The following EXOC6B variants were observed in gnomAD, a reference collection of about 807,000 sequenced individuals.
EXOC6B encodes the protein exocyst complex component 6B.
Under a neutral mutation model 113.5 loss-of-function variants are expected in EXOC6B, and 54 were observed. The ratio of observed to expected loss-of-function variants is 0.48; its 90% confidence interval spans 0.38 to 0.60. The LOEUF is 0.60. Ranked by LOEUF, EXOC6B falls within the 20% of genes least tolerant of loss-of-function variation. EXOC6B has a pLI of 0.00. For synonymous variants in EXOC6B, 357 were observed against 339.0 expected (o/e 1.05, Z -0.58); for missense variants, 797 against 977.5 (o/e 0.82, Z 2.46).
intron 21 of EXOC6B, 32 bp from the exon 22 acceptor site, chr2:72,179,493 T>C (rs1572949880): frequency 8.1e-6 from 13 of 1,613,290 alleles, no homozygotes; most frequent in Middle Eastern, 1.7e-4. Context: ...GAGGGCAACA[T>C]GTTTGAGGAA....
chr2:72,236,959 T>C (rs1208916109), intron 20 of EXOC6B, among the ~76,000 whole-genome samples: 1 of 152,162 alleles, frequency 6.6e-6, no homozygotes, highest in East Asian at 1.9e-4. Flanking sequence ...GGAATGATTT[T>C]CTACTTGCTA....
intron 11 of EXOC6B, among the ~76,000 whole-genome samples, chr2:72,510,086 G>A (rs954409287): frequency 5.9e-5 from 9 of 151,942 alleles, no homozygotes; most frequent in Non-Finnish European, 7.4e-5. Context: ...TGCCCTCCTC[G>A]GCCTCCCAAA....
chr2:72,191,855 T>C (rs532518115), intron 20 of EXOC6B, among the ~76,000 whole-genome samples: 23 of 152,218 alleles, frequency 1.5e-4, no homozygotes, highest in Non-Finnish European at 2.6e-4. Context: ...GATGGATGAG[T>C]TGCTCATGGC....
chr2:72,620,687 A>G (rs554173610), intron 6 of EXOC6B, among the ~76,000 whole-genome samples: 7 of 152,002 alleles, frequency 4.6e-5, no homozygotes, highest in Non-Finnish European at 1.0e-4. Context: ...GCTTCCATAC[A>G]GCAAAAGAAA....
At chr2:72,538,831 G>A (rs747864477) in intron 8 of EXOC6B, among the ~76,000 whole-genome samples, 3 of 152,118 alleles carry the variant, frequency 2.0e-5, no homozygotes, top group Non-Finnish European at 2.9e-5. Flanking sequence ...AAACAGAGAG[G>A]ATTTCACTCT....
chr2:72,656,343 A>G (rs995205697), intron 6 of EXOC6B, among the ~76,000 whole-genome samples: 16 of 152,124 alleles, frequency 1.1e-4, no homozygotes, highest in Non-Finnish European at 1.6e-4. Flanking sequence ...TCAGATTTCT[A>G]TCTCATACTA....
At chr2:72,465,864 T>C (rs1177943585) in intron 17 of EXOC6B, among the ~76,000 whole-genome samples, 1 of 152,188 alleles carries the variant, frequency 6.6e-6, no homozygotes, top group Non-Finnish European at 1.5e-5. Flanking sequence ...GTGGAATTCA[T>C]GAGATGGTTT....
intron 20 of EXOC6B, among the ~76,000 whole-genome samples, chr2:72,190,581 C>A (rs558973430): frequency 5.3e-5 from 8 of 152,302 alleles, no homozygotes; most frequent in South Asian, 2.1e-4. Context: ...ATTTCCTATT[C>A]ATTCCTGTAG....
intron 18 of EXOC6B, among the ~76,000 whole-genome samples, chr2:72,401,572 TATATATATAC>T (rs1246320665): frequency 1.3e-4 from 4 of 30,510 alleles, no homozygotes; most frequent in South Asian, 7.6e-4. Context: ...TATACATATA[TATATATATAC>T]ATATATATAT....
intron 5 of EXOC6B, among the ~76,000 whole-genome samples, chr2:72,723,144 G>A (rs1248740429): frequency 2.6e-5 from 4 of 152,100 alleles, no homozygotes; most frequent in East Asian, 3.9e-4. Context: ...CAGTGACCAC[G>A]GAAATCCAAA....
intron 19 of EXOC6B, among the ~76,000 whole-genome samples, chr2:72,347,540 G>A (rs1689410485): frequency 6.6e-6 from 1 of 152,064 alleles, no homozygotes. Flanking sequence ...AACCACATGA[G>A]TAATTTTTAG....
At chr2:72,344,035 C>G (rs1479909638) in intron 19 of EXOC6B, among the ~76,000 whole-genome samples, 1 of 152,160 alleles carries the variant, frequency 6.6e-6, no homozygotes, top group Non-Finnish European at 1.5e-5. Flanking sequence ...ATCCATTTCT[C>G]TCTCCTCCTC....
intron 18 of EXOC6B, among the ~76,000 whole-genome samples, chr2:72,382,167 A>G: frequency 6.6e-6 from 1 of 152,194 alleles, no homozygotes; most frequent in East Asian, 1.9e-4. Flanking sequence ...GGTTTTAATT[A>G]AACCCACCAG....
chr2:72,787,223 T>G (rs1684425355), intron 1 of EXOC6B, among the ~76,000 whole-genome samples: 2 of 151,946 alleles, frequency 1.3e-5, no homozygotes, highest in South Asian at 4.1e-4. Context: ...ATTTTTTATT[T>G]TTTTTCGAGA....
chr2:72,471,371 T>C (rs1343307216), intron 17 of EXOC6B, among the ~76,000 whole-genome samples: 6 of 152,246 alleles, frequency 3.9e-5, no homozygotes, highest in Non-Finnish European at 7.3e-5. Context: ...TAGCCCTTTG[T>C]CAGATGAGTA....
At chr2:72,695,643 C>T (rs1677815578) in intron 6 of EXOC6B, among the ~76,000 whole-genome samples, 1 of 152,100 alleles carries the variant, frequency 6.6e-6, no homozygotes, top group Non-Finnish European at 1.5e-5. Context: ...AGGATACAAA[C>T]CCCCAAACAC....
chr2:72,385,869 G>A (rs1193432652), intron 18 of EXOC6B, among the ~76,000 whole-genome samples: 1 of 152,108 alleles, frequency 6.6e-6, no homozygotes, highest in African/African-American at 2.4e-5. Flanking sequence ...AACAAGTGTT[G>A]GTGAGAATGT....
chr2:72,506,732 G>A (rs928582012), intron 11 of EXOC6B, among the ~76,000 whole-genome samples: 18 of 151,778 alleles, frequency 1.2e-4, no homozygotes, highest in Non-Finnish European at 2.2e-4. Flanking sequence ...GCTAAAGAAC[G>A]GCCATTCTAT....
At chr2:72,258,329 T>C (rs1403624123) in intron 20 of EXOC6B, among the ~76,000 whole-genome samples, 1 of 151,788 alleles carries the variant, frequency 6.6e-6, no homozygotes, top group Admixed American at 6.6e-5. Flanking sequence ...AGATGCTCTA[T>C]GAATGCTTTT....
Sources: allele counts gnomAD v4.1 joint callset (sites outside exome capture counted in the v4.1 genomes callset), GRCh38; gene constraint gnomAD v4.1.1; transcripts MANE v1.5; gene names NCBI Gene and HGNC (gene_info 2026-07-23, HGNC 2026-07-21).